Variants in EYS observed in about 807,000 individuals in gnomAD.
EYS encodes the protein EGF-like photoreceptor maintenance factor, also known as protein eyes shut homolog.
Under a neutral mutation model 282.1 loss-of-function variants are expected in EYS, and 250 were observed. That is an observed-to-expected ratio of 0.89 (90% confidence interval 0.80 to 0.98). The LOEUF is 0.98. EYS is among the 50% of genes least tolerant of loss of function. The pLI is 0.00. For missense variants in EYS, 4,016 were observed against 3,709.0 expected, an observed-to-expected ratio of 1.08 and a Z score of -2.15; for synonymous variants, 1,355 against 1,282.9, an observed-to-expected ratio of 1.06 and a Z score of -1.20.
intron 30 of EYS, among the ~76,000 whole-genome samples, chr6:64,264,499 T>C (rs934247391): frequency 1.3e-5 from 2 of 152,100 alleles, no homozygotes; most frequent in Admixed American, 1.3e-4. Context: ...AAGTGTGTAA[T>C]ACCTCTTGAG....
In EYS at chr6:65,053,552, A is replaced by C. The variant is rs187178465; in HGVS notation, c.2137+4062T>G. 1.8e-4 allele frequency among the ~76,000 whole-genome samples: 28 copies of C among 151,988 alleles called. No homozygotes were observed. In the East Asian group the frequency reaches 5.2e-3, roughly 28 times the overall value. On this transcript the variant is annotated intron_variant, in intron 13 of 42. Transcript: ENST00000503581. ...GCATCTAATAGACAAAACTTGGACTATATCAACAGAAAGCCACAATTAGCT... is the reference window on the plus strand; with the variant it reads ...GCATCTAATAGACAAAACTTGGACTCTATCAACAGAAAGCCACAATTAGCT...
At chr6:64,396,199 C>T (rs1008803305) in intron 28 of EYS, among the ~76,000 whole-genome samples, 13 of 152,102 alleles carry the variant, frequency 8.5e-5, no homozygotes, top group Non-Finnish European at 1.8e-4. Context: ...TCAGATACTT[C>T]ACAAATTATT....
At chr6:64,576,448 C>T (rs944921605) in intron 26 of EYS, among the ~76,000 whole-genome samples, 3 of 151,916 alleles carry the variant, frequency 2.0e-5, no homozygotes, top group African/African-American at 7.3e-5. Context: ...GGTTAATATA[C>T]TTAAAATTTT....
At chr6:65,244,181 T>C (rs909461457) in intron 12 of EYS, among the ~76,000 whole-genome samples, 1 of 152,222 alleles carries the variant, frequency 6.6e-6, no homozygotes, top group African/African-American at 2.4e-5. Context: ...ATGAACAGAT[T>C]ATACAACTTT....
At chr6:65,456,144 C>A (rs1228756100) in intron 5 of EYS, among the ~76,000 whole-genome samples, 1 of 151,870 alleles carries the variant, frequency 6.6e-6, no homozygotes, top group Non-Finnish European at 1.5e-5. Context: ...CTAAAAAATT[C>A]AATCCCACAG....
At chr6:64,849,649 GGGGAGGAATTT>G (rs1765820902) in intron 19 of EYS, among the ~76,000 whole-genome samples, 1 of 151,924 alleles carries the variant, frequency 6.6e-6, no homozygotes, top group African/African-American at 2.4e-5. Flanking sequence ...TGGAGGCTCT[GGGGAGGAATTT>G]TTTATAAGCT....
intron 12 of EYS, among the ~76,000 whole-genome samples, chr6:65,210,827 T>C (rs569824937): frequency 6.6e-6 from 1 of 152,094 alleles, no homozygotes; most frequent in African/African-American, 2.4e-5. Flanking sequence ...TAGACAAAGT[T>C]TTAAAATAAA....
At chr6:64,487,231 C>T (rs1222975957) in intron 26 of EYS, among the ~76,000 whole-genome samples, 1 of 151,056 alleles carries the variant, frequency 6.6e-6, no homozygotes, top group Admixed American at 6.6e-5. Context: ...AAGAGAGAAT[C>T]TTATTACAGC....
chr6:64,779,315 A>G (rs967170035), intron 22 of EYS, among the ~76,000 whole-genome samples: 4 of 152,112 alleles, frequency 2.6e-5, no homozygotes, highest in African/African-American at 4.8e-5. Context: ...CAGGGATGGA[A>G]AAATGAGCTA....
At chr6:65,568,454 G>A (rs2127350424) in intron 2 of EYS, among the ~76,000 whole-genome samples, 1 of 151,938 alleles carries the variant, frequency 6.6e-6, no homozygotes, top group African/African-American at 2.4e-5. Flanking sequence ...CCTCATGTCA[G>A]GGATTTTTCA....
At chr6:64,492,044 A>G (rs1776755561) in intron 26 of EYS, among the ~76,000 whole-genome samples, 1 of 151,156 alleles carries the variant, frequency 6.6e-6, no homozygotes, top group Non-Finnish European at 1.5e-5. Flanking sequence ...CAACACCCAG[A>G]AAATTGTTAA....
intron 26 of EYS, among the ~76,000 whole-genome samples, chr6:64,484,894 A>C (rs1035511762): frequency 6.6e-6 from 1 of 151,612 alleles, no homozygotes; most frequent in Non-Finnish European, 1.5e-5. Context: ...GAAAGGAAAG[A>C]GAGCCAGGCA....
chr6:63,782,989 C>A (rs1421744048), intron 39 of EYS, among the ~76,000 whole-genome samples: 5 of 148,154 alleles, frequency 3.4e-5, no homozygotes, highest in African/African-American at 1.2e-4. Context: ...TAAATTATTG[C>A]AGTAAACTGA....
chr6:64,451,225 A>G (rs553929595), intron 26 of EYS, among the ~76,000 whole-genome samples: 20 of 152,348 alleles, frequency 1.3e-4, no homozygotes, highest in African/African-American at 4.3e-4. Flanking sequence ...AGAATACTAT[A>G]AACACCTCTA....
At chr6:64,276,618 C>T (rs529702352) in intron 30 of EYS, among the ~76,000 whole-genome samples, 73 of 151,976 alleles carry the variant, frequency 4.8e-4, no homozygotes, top group Non-Finnish European at 9.7e-4. Context: ...AAAGGAAAGA[C>T]GGTAATGCTA....
intron 5 of EYS, among the ~76,000 whole-genome samples, chr6:65,458,248 T>C (rs1764700324): frequency 6.6e-6 from 1 of 152,190 alleles, no homozygotes; most frequent in South Asian, 2.1e-4. Flanking sequence ...ATGTTTGTTA[T>C]AGCAACCATA....
chr6:64,777,541 A>C (rs1773716672), intron 22 of EYS, among the ~76,000 whole-genome samples: 1 of 152,138 alleles, frequency 6.6e-6, no homozygotes, highest in Admixed American at 6.6e-5. Context: ...GCTTTTCTTA[A>C]TGTGTTTTAT....
At chr6:63,917,974 C>G (rs1764469011) in intron 35 of EYS, among the ~76,000 whole-genome samples, 1 of 152,202 alleles carries the variant, frequency 6.6e-6, no homozygotes, top group Admixed American at 6.5e-5. Flanking sequence ...CAAAATCCTG[C>G]AAAGCCTTGT....
intron 12 of EYS, among the ~76,000 whole-genome samples, chr6:65,220,217 A>T (rs907627839): frequency 6.6e-6 from 1 of 152,108 alleles, no homozygotes; most frequent in African/African-American, 2.4e-5. Flanking sequence ...TTTTATTTTT[A>T]AAAGTATCAC....
Sources: allele counts gnomAD v4.1 joint callset (sites outside exome capture counted in the v4.1 genomes callset), GRCh38; gene constraint gnomAD v4.1.1; transcripts MANE v1.5; gene names NCBI Gene and HGNC (gene_info 2026-07-23, HGNC 2026-07-21).